Variants in IGSF9B observed in about 807,000 individuals in gnomAD.
IGSF9B encodes immunoglobulin superfamily member 9B.
A neutral mutation model predicts 143.7 loss-of-function variants in IGSF9B; 48 were observed. That is an observed-to-expected ratio of 0.33 (90% CI 0.26 to 0.42). The LOEUF (loss-of-function observed/expected upper bound fraction) is 0.42. Among genes scored for constraint, IGSF9B ranks in the 20% least tolerant of loss-of-function variants. IGSF9B has a pLI of 1.00. For missense variants in IGSF9B, 1,706 were observed against 1,980.0 expected, an observed-to-expected ratio of 0.86 and a Z score of 2.63; for synonymous variants, 903 against 833.1, an observed-to-expected ratio of 1.08 and a Z score of -1.44.
intron 11 of IGSF9B, 114 bp downstream of exon 11, chr11:133,930,870 A>C: frequency 9.0e-7 from 1 of 1,106,682 alleles, no homozygotes; most frequent in Non-Finnish European, 1.3e-6. Context: ...CTGACTTAGG[A>C]AGGGAGCCCG....
chr11:133,948,050 T>C lies in IGSF9B; in HGVS notation c.65-1792A>G, dbSNP rs945470286. On this transcript the variant is annotated intron_variant, in intron 1 of 19. Coordinates refer to ENST00000533871, the MANE Select transcript of IGSF9B (RefSeq NM_001277285.4). This position sits in a 1 kb window ranked among gnomAD's most constrained non-coding sequence, Gnocchi z 4.7. ...CTCTCCCTGTTTCTGTCTACCAGCA[T>C]GTGTGCGTGTGTGTGTGTGTGTGTG... 6.2e-5 allele frequency among the ~76,000 whole-genome samples: 5 copies of C among 80,808 alleles called. No individual in the cohort carries two copies. Among genetic ancestry groups the C allele is most frequent in the African/African-American group, 2.1e-4 (5 of 23,360 alleles). The allele number at this position is 80,808 out of a possible 152,430, so 53.0% of individuals were successfully genotyped here.
intron 5 of IGSF9B, among the ~76,000 whole-genome samples, chr11:133,936,444 C>T (rs1468857790): frequency 2.6e-5 from 4 of 152,142 alleles, no homozygotes; most frequent in Non-Finnish European, 5.9e-5. Context: ...CAGCAGAGCC[C>T]GAGCCAGACA....
At position 133,902,985 on chromosome 11, in the gene IGSF9B, C is replaced by T. The variant is rs948437098; in HGVS notation, c.*6084G>A. ...TGCATGCCCGCAGCATTTCTAAGGC[C>T]GAAAATGCAAGTCACCTCCCCAGCC... On this transcript the variant is annotated 3_prime_UTR_variant, in exon 20 of 20. Transcript: ENST00000533871. 4.6e-5 allele frequency among the ~76,000 whole-genome samples: 7 copies of T among 152,064 alleles called. No homozygotes were observed. Among genetic ancestry groups the T allele is most frequent in the Admixed American group, 6.6e-5 (1 of 15,258 alleles).
intron 18 of IGSF9B, among the ~76,000 whole-genome samples, chr11:133,914,724 G>A (rs1350153950): frequency 6.6e-6 from 1 of 152,070 alleles, no homozygotes; most frequent in Non-Finnish European, 1.5e-5. Context: ...AACAAAAGCT[G>A]GTGTCTGGCA....
intron 5 of IGSF9B, 76 bp downstream of exon 5, chr11:133,937,300 C>A: frequency 1.8e-6 from 2 of 1,111,654 alleles, no homozygotes; most frequent in Non-Finnish European, 1.3e-6. Flanking sequence ...CCTGGGAAAA[C>A]GCCCTCCGTA....
At position 133,946,132 on chromosome 11, in the gene IGSF9B, T is replaced by C. The variant is rs1458039694; in HGVS notation, c.191A>G (p.Lys64Arg). 1.9e-6 allele frequency: 3 copies of C among 1,611,944 alleles called. No homozygotes were observed. Among genetic ancestry groups the C allele is most frequent in the Admixed American group, 3.3e-5 (2 of 59,792 alleles). Residue 64 changes from lysine to arginine, a missense_variant, in exon 2 of 20, where the codon AAG becomes AGG. This residue lies in a region of IGSF9B where 171 missense variants were observed against 213.9 expected (regional missense o/e 0.80). Transcript: ENST00000533871. ...GAAGATAGGGATGGGGACCCCGAAC[T>C]TGAACCACTCTACGACATAGGGTGG... Reference protein sequence around the residue: ...QPPPYVVEWFKFGVPIPIFIK... With the variant: ...QPPPYVVEWFRFGVPIPIFIK...
intron 18 of IGSF9B, among the ~76,000 whole-genome samples, chr11:133,918,097 T>C (rs911587687): frequency 6.6e-6 from 1 of 150,398 alleles, no homozygotes; most frequent in African/African-American, 2.5e-5. Context: ...CGTGGCTCGA[T>C]GTGGGGAACC....
In IGSF9B at chr11:133,946,338, G is replaced by C. The variant is rs1387826049; in HGVS notation, c.65-80C>G. 4 of 1,249,412 alleles carry C rather than the reference G, an allele frequency of 3.2e-6. No homozygotes were observed. In the East Asian group the frequency reaches 1.0e-4, roughly 31 times the overall value. 77.4% of individuals were successfully genotyped at this position (1,249,412 alleles called of 1,614,324 possible). On this transcript the variant is annotated intron_variant, in intron 1 of 19. Coordinates refer to ENST00000533871, the MANE Select transcript of IGSF9B (RefSeq NM_001277285.4). ...CCAGCAGCCCCATGTCCGTGTCACAGGGTCACCCCGCCCCCCACCAGCTGC... is the reference window on the plus strand; with the variant it reads ...CCAGCAGCCCCATGTCCGTGTCACACGGTCACCCCGCCCCCCACCAGCTGC...
rs1939051326 is a variant in IGSF9B, at chr11:133,898,121, C to T, written c.*10948G>A. 1 of 152,242 alleles carries T rather than the reference C, an allele frequency of 6.6e-6. No individual in the cohort carries two copies. The highest frequency in any genetic ancestry group is 1.5e-5 in the Non-Finnish European group (1 of 68,050). 9.4% of individuals were successfully genotyped at this position (152,242 alleles called of 1,614,324 possible). ...AGCGCAGTGATGTTGTAATACTCAA[C>T]ATTCAAGAAATGGAAACGAGGTTGG... On this transcript the variant is annotated 3_prime_UTR_variant, in exon 20 of 20. Coordinates refer to ENST00000533871, the MANE Select transcript of IGSF9B (RefSeq NM_001277285.4).
chr11:133,929,648 G>A (rs1001047135), intron 12 of IGSF9B, 23 bp downstream of exon 12: 3 of 1,515,286 alleles, frequency 2.0e-6, no homozygotes, highest in Non-Finnish European at 2.8e-6. Context: ...AAGCATGCCG[G>A]GGTGACTCAC....
Position 133,931,915 on chromosome 11 carries a change from G to A in IGSF9B, c.1111-120C>T, listed in dbSNP as rs372592410. 79 of 1,505,224 alleles carry A rather than the reference G, an allele frequency of 5.2e-5. No homozygotes were observed. The highest frequency in any genetic ancestry group is 3.6e-4 in the Middle Eastern group (2 of 5,562). The allele number at this position is 1,505,224 out of a possible 1,614,324, so 93.2% of individuals were successfully genotyped here. A position where few individuals can be genotyped will look rare whatever the true frequency, so the allele number is the denominator to read the frequency against. The stretch of plus-strand genomic sequence containing the variant: ...TAGTACAGGAGCTCCAGCCCGGGGC[G>A]GGCGGCACCCGCAGACCCCTACAGA... On this transcript the variant is annotated intron_variant, in intron 8 of 19. Transcript: ENST00000533871. This position sits in a 1 kb window ranked among gnomAD's most constrained non-coding sequence, Gnocchi z 7.7.
intron 1 of IGSF9B, chr11:133,952,213 G>A (rs1565453742): frequency 1.1e-5 from 4 of 379,980 alleles, no homozygotes; most frequent in African/African-American, 2.1e-5. Flanking sequence ...GCCTCCAGCA[G>A]ACTGGGCTCA....
intron 5 of IGSF9B, among the ~76,000 whole-genome samples, chr11:133,937,070 G>C (rs1939838155): frequency 6.6e-6 from 1 of 152,174 alleles, no homozygotes; most frequent in East Asian, 1.9e-4. Context: ...TCCCAGGGAG[G>C]CGGAGACATG....
intron 14 of IGSF9B, 50 bp downstream of exon 14, chr11:133,925,689 G>A: frequency 2.0e-6 from 3 of 1,519,602 alleles, no homozygotes; most frequent in African/African-American, 1.4e-5. Context: ...CTAGAGTCTT[G>A]TCGCTTCCCG....
intron 18 of IGSF9B, chr11:133,912,243 G>T: frequency 1.5e-6 from 1 of 665,178 alleles, no homozygotes. Flanking sequence ...AACCTGCAGA[G>T]CAATCAGAAG....
In IGSF9B at chr11:133,906,288, T is replaced by C. The variant is rs146005622; in HGVS notation, c.*2781A>G. Among the ~76,000 whole-genome samples the C allele has an allele frequency of 6.6e-6, 1 of 152,312 alleles. No individual in the cohort carries two copies. Among genetic ancestry groups the C allele is most frequent in the Non-Finnish European group, 1.5e-5 (1 of 68,036 alleles). ...AGCACCTAAACTTGTGCCTGTGACATCTTCACCCTCTATCCACGGAGGGAA... is the reference window on the plus strand; with the variant it reads ...AGCACCTAAACTTGTGCCTGTGACACCTTCACCCTCTATCCACGGAGGGAA... On this transcript the variant is annotated 3_prime_UTR_variant, in exon 20 of 20. Transcript: ENST00000533871.
intron 12 of IGSF9B, among the ~76,000 whole-genome samples, chr11:133,927,377 T>C (rs573052964): frequency 2.6e-5 from 4 of 152,350 alleles, no homozygotes; most frequent in African/African-American, 4.8e-5. Flanking sequence ...ACCAGCTGCA[T>C]TGTGGGAGAA....
At position 133,919,726 on chromosome 11, in the gene IGSF9B, G is replaced by A; in HGVS notation, c.3983+16C>T. 1.5e-6 allele frequency: 2 copies of A among 1,372,690 alleles called. No individual in the cohort carries two copies. The highest frequency in any genetic ancestry group is 2.0e-5 in the South Asian group (1 of 49,394). The allele number at this position is 1,372,690 out of a possible 1,614,324, so 85.0% of individuals were successfully genotyped here. A position where few individuals can be genotyped will look rare whatever the true frequency, so the allele number is the denominator to read the frequency against. On this transcript the variant is annotated intron_variant, in intron 18 of 19. Transcript: ENST00000533871. Reference sequence around the variant, plus strand: ...AGTTGCCCAGGTGCGGGTGGCGGAAGAGGCGGCGCACTCACCCTGAAGTAG... The same window carrying A: ...AGTTGCCCAGGTGCGGGTGGCGGAAAAGGCGGCGCACTCACCCTGAAGTAG...
Position 133,905,319 on chromosome 11 carries a change from G to C in IGSF9B, c.*3750C>G, listed in dbSNP as rs1045183413. On this transcript the variant is annotated 3_prime_UTR_variant, in exon 20 of 20. Coordinates refer to ENST00000533871, the MANE Select transcript of IGSF9B (RefSeq NM_001277285.4). This position sits in a 1 kb window ranked among gnomAD's most constrained non-coding sequence, Gnocchi z 4.0. ...TTCCAGCCACGCAGTCTTCAGCCCTGGAGATTCAGATCGTGGGCAGTGCCA... is the reference window on the plus strand; with the variant it reads ...TTCCAGCCACGCAGTCTTCAGCCCTCGAGATTCAGATCGTGGGCAGTGCCA... Among the ~76,000 whole-genome samples the C allele has an allele frequency of 6.6e-6, 1 of 151,574 alleles. No homozygotes were observed. Among genetic ancestry groups the C allele is most frequent in the Non-Finnish European group, 1.5e-5 (1 of 67,950 alleles).
Sources: gnomAD v4.1 joint callset for allele counts (sites outside exome capture counted in the v4.1 genomes callset) on GRCh38, gnomAD v4.1.1 for gene constraint, gnomAD v4.1.1 regional missense constraint, Gnocchi (gnomAD v3.1) non-coding constraint, MANE v1.5 for transcripts, NCBI Gene and HGNC (gene_info 2026-07-23, HGNC 2026-07-21) for gene names.